ZNF654: variants seen among roughly 807,000 people sequenced by gnomAD.
ZNF654 encodes melanoma-associated antigen.
In ZNF654, 19 loss-of-function variants were observed where a neutral mutation model predicts 95.3. The ratio of observed to expected loss-of-function variants is 0.20; its 90% CI spans 0.14 to 0.29. ZNF654 has a LOEUF of 0.29. ZNF654 is among the 10% of genes least tolerant of loss of function. The pLI, the probability that ZNF654 is intolerant of heterozygous loss-of-function variation, is 1.00. For synonymous variants in ZNF654, 413 were observed against 457.9 expected, an observed-to-expected ratio of 0.90 and a Z score of 1.25; for missense variants, 1,046 against 1,341.0, an observed-to-expected ratio of 0.78 and a Z score of 3.44.
At chr3:88,117,670 T>C (rs1047738364) in intron 3 of ZNF654, among the ~76,000 whole-genome samples, 3 of 152,252 alleles carry the variant, frequency 2.0e-5, no homozygotes, top group Admixed American at 2.0e-4. Flanking sequence ...TGTCTAATGA[T>C]TCCAGAAAAG....
chr3:88,067,025 ACT>A (rs566933527), intron 1 of ZNF654, among the ~76,000 whole-genome samples: 83 of 152,290 alleles, frequency 5.5e-4, no homozygotes, highest in Non-Finnish European at 9.1e-4. Context: ...GTACATTAAC[ACT>A]CTCTACTGTC....
At position 88,128,970 on chromosome 3, in the gene ZNF654, T is replaced by A; in HGVS notation, c.712T>A (p.Cys238Ser). 1 of 1,535,058 alleles carries A rather than the reference T, an allele frequency of 6.5e-7. No individual in the cohort carries two copies. Among genetic ancestry groups the A allele is most frequent in the Non-Finnish European group, 8.7e-7 (1 of 1,146,278 alleles). ...DLYFHQALFT[C>S]LFMSPVEDQL... is the part of the protein sequence containing the mutation. Reference sequence around the variant, plus strand: ...ATACTTCCATCAAGCACTCTTCACATGTCTGTTTATGTCACCTGTAGAAGA... The same window carrying A: ...ATACTTCCATCAAGCACTCTTCACAAGTCTGTTTATGTCACCTGTAGAAGA... The change falls in exon 5 of 9, where the codon TGT becomes AGT. Residue 238 changes from cysteine (C) to serine (S), a missense_variant. Physicochemically the swap from Cys to Ser is moderately radical, Grantham distance 112 (BLOSUM62 -1). Transcript: ENST00000636215.
At chr3:88,089,490 TAAAAAA>T (rs11425740) in intron 2 of ZNF654, among the ~76,000 whole-genome samples, 1 of 147,646 alleles carries the variant, frequency 6.8e-6, no homozygotes, top group South Asian at 2.1e-4. Context: ...AAACTCTGTT[TAAAAAA>T]AAAAAAATGT....
chr3:88,102,704 A>T (rs888355988), intron 2 of ZNF654, among the ~76,000 whole-genome samples: 4 of 152,034 alleles, frequency 2.6e-5, no homozygotes, highest in Admixed American at 1.3e-4. Context: ...CAAAACCCAT[A>T]TTCAGTTTAA....
At chr3:88,076,115 C>T (rs544145179) in intron 1 of ZNF654, among the ~76,000 whole-genome samples, 7 of 152,216 alleles carry the variant, frequency 4.6e-5, no homozygotes, top group East Asian at 1.9e-4. Context: ...AGGTAATCTC[C>T]CTGCTTTTTA....
chr3:88,097,826 T>C (rs960737330), intron 2 of ZNF654, among the ~76,000 whole-genome samples: 2 of 152,158 alleles, frequency 1.3e-5, no homozygotes, highest in Non-Finnish European at 2.9e-5. Flanking sequence ...GCGACACATT[T>C]AAAGCAGTGT....
At chr3:88,071,341 C>G (rs984630758) in intron 1 of ZNF654, among the ~76,000 whole-genome samples, 21 of 152,056 alleles carry the variant, frequency 1.4e-4, no homozygotes, top group Middle Eastern at 3.4e-3. Context: ...GAAACCCTGT[C>G]CCTACTAAAG....
At chr3:88,134,949 T>C in intron 6 of ZNF654, 112 bp from the exon 7 acceptor site, 1 of 673,172 alleles carries the variant, frequency 1.5e-6, no homozygotes, top group Non-Finnish European at 2.2e-6. Flanking sequence ...GTAATACATA[T>C]TTACACTCAT....
intron 2 of ZNF654, chr3:88,096,091 C>A: frequency 6.3e-6 from 1 of 159,970 alleles, no homozygotes; most frequent in South Asian, 1.9e-4. Flanking sequence ...GGCAGACTGA[C>A]CTTCATTTTC....
Position 88,119,349 on chromosome 3 carries a change from C to T in ZNF654, c.414+6153C>T, listed in dbSNP as rs1237214757. On this transcript the variant is annotated intron_variant, in intron 3 of 8. Transcript: ENST00000636215. ...GAATTGAACAATGAGAACACATGGA[C>T]ATAGGAAGGGGAACATCACACTCTG... Among the ~76,000 whole-genome samples the T allele has an allele frequency of 2.5e-5, 3 of 121,818 alleles. No homozygotes were observed. In the East Asian group the frequency reaches 7.7e-4, roughly 31 times the overall value. 79.9% of individuals were successfully genotyped at this position (121,818 alleles called of 152,430 possible).
chr3:88,089,299 A>G (rs1169441495), intron 2 of ZNF654, among the ~76,000 whole-genome samples: 5 of 150,858 alleles, frequency 3.3e-5, no homozygotes, highest in Non-Finnish European at 7.4e-5. Flanking sequence ...AGACCATCCT[A>G]GCCAACATGG....
chr3:88,091,017 C>G (rs1708604251), intron 2 of ZNF654, among the ~76,000 whole-genome samples: 1 of 152,156 alleles, frequency 6.6e-6, no homozygotes, highest in South Asian at 2.1e-4. Flanking sequence ...TGTTTAGATA[C>G]ACAAATACTA....
chr3:88,133,448 G>T (rs1448506298), intron 6 of ZNF654, among the ~76,000 whole-genome samples: 2 of 152,150 alleles, frequency 1.3e-5, no homozygotes, highest in Non-Finnish European at 2.9e-5. Flanking sequence ...CATATGATAG[G>T]CATGAAATCA....
chr3:88,116,559 T>TACACACACACAC (rs140401038), intron 3 of ZNF654, among the ~76,000 whole-genome samples: 22,466 of 146,454 alleles, frequency 0.15, 1,829 homozygotes, highest in African/African-American at 0.2. Context: ...CATACATATA[T>TACACACACACAC]ATACACACAC....
At chr3:88,108,811 T>G (rs1380176151) in intron 2 of ZNF654, among the ~76,000 whole-genome samples, 1 of 151,756 alleles carries the variant, frequency 6.6e-6, no homozygotes, top group Non-Finnish European at 1.5e-5. Context: ...GTTGAAAAGG[T>G]TAAAGTTCTC....
At chr3:88,134,103 TAAA>T (rs749235741) in intron 6 of ZNF654, among the ~76,000 whole-genome samples, 2 of 142,330 alleles carry the variant, frequency 1.4e-5, no homozygotes, top group African/African-American at 2.6e-5. Context: ...GAGTGTGAGT[TAAA>T]AAAAAAAAAG....
chr3:88,067,007 A>G (rs1707238956), intron 1 of ZNF654, among the ~76,000 whole-genome samples: 4 of 152,192 alleles, frequency 2.6e-5, no homozygotes, highest in Non-Finnish European at 2.9e-5. Context: ...ATGAAATCCT[A>G]AAGTCTAGTA....
chr3:88,109,288 A>G (rs1704944628), intron 2 of ZNF654, among the ~76,000 whole-genome samples: 1 of 152,080 alleles, frequency 6.6e-6, no homozygotes, highest in Non-Finnish European at 1.5e-5. Context: ...GTTACCCACA[A>G]TCAAATGCTC....
chr3:88,128,848 A>C lies in ZNF654; in HGVS notation c.590A>C (p.Glu197Ala). The change falls in exon 5 of 9, where the codon GAA (glutamate) becomes GCA (alanine). Residue 197 changes from glutamate to alanine, a missense_variant. Around this residue, in one of 9 missense-constraint regions of ZNF654, gnomAD observed 91 missense variants for 190.5 expected, o/e 0.48. Transcript: ENST00000636215. Reference protein sequence around the residue: ...YLSSENPLFFELRARYLIACE... With the variant: ...YLSSENPLFFALRARYLIACE... ...AGTTCTGAAAATCCACTGTTCTTTG[A>C]ACTACGTGCCAGATACCTAATTGCT... The C allele has an allele frequency of 1.3e-6, 2 of 1,535,486 alleles. No individual in the cohort carries two copies. The highest frequency in any genetic ancestry group is 1.7e-6 in the Non-Finnish European group (2 of 1,146,512).
Sources: allele counts gnomAD v4.1 joint callset (sites outside exome capture counted in the v4.1 genomes callset), GRCh38; gene constraint gnomAD v4.1.1; regional missense constraint gnomAD v4.1.1; transcripts MANE v1.5; gene names NCBI Gene and HGNC (gene_info 2026-07-23, HGNC 2026-07-21).